The following CHODL variants were observed in gnomAD, a reference collection of about 807,000 sequenced individuals.
CHODL encodes the protein chondrolectin, also known as transmembrane protein MT75.
CHODL carries 29 observed loss-of-function variants against 34.5 expected under a neutral mutation model. That is an observed-to-expected ratio of 0.84 (90% confidence interval 0.63 to 1.15). CHODL has a LOEUF of 1.15. Ranked by LOEUF, CHODL falls within the 50% of genes most tolerant of loss-of-function variation. CHODL has a pLI of 0.00. For synonymous variants in CHODL, 125 were observed against 116.1 expected (o/e 1.08, Z -0.49); for missense variants, 332 against 332.5 (o/e 1.00, Z 0.01).
intron 2 of CHODL, among the ~76,000 whole-genome samples, chr21:18,037,011 A>G (rs2064319376): frequency 6.6e-6 from 1 of 151,986 alleles, no homozygotes; most frequent in African/African-American, 2.4e-5. Context: ...ACTGATATCT[A>G]GAAGGTTAGT....
chr21:18,146,510 C>G (rs895654310), intron 2 of CHODL, among the ~76,000 whole-genome samples: 1 of 152,018 alleles, frequency 6.6e-6, no homozygotes, highest in Non-Finnish European at 1.5e-5. Flanking sequence ...GCCTCTGACC[C>G]CTTTGCTCAG....
intron 2 of CHODL, among the ~76,000 whole-genome samples, chr21:18,090,332 A>T (rs1210806382): frequency 6.6e-6 from 1 of 152,206 alleles, no homozygotes; most frequent in Non-Finnish European, 1.5e-5. Context: ...TTCTGTGCCA[A>T]GGATGCCTAT....
At chr21:18,194,603 TA>T (rs35092206) in intron 2 of CHODL, among the ~76,000 whole-genome samples, 77,967 of 145,158 alleles carry the variant, frequency 0.54, 20,960 homozygotes, top group Non-Finnish European at 0.61. Flanking sequence ...GAGTTACTCT[TA>T]AAAAAAAAAA....
chr21:18,093,592 AAAT>A (rs1385432351), intron 2 of CHODL, among the ~76,000 whole-genome samples: 6 of 152,158 alleles, frequency 3.9e-5, no homozygotes, highest in African/African-American at 1.2e-4. Flanking sequence ...AAATGCAAGA[AAAT>A]AAAGTTAGAG....
intron 1 of CHODL, among the ~76,000 whole-genome samples, chr21:17,973,294 A>T (rs1195280930): frequency 6.6e-6 from 1 of 152,218 alleles, no homozygotes; most frequent in Non-Finnish European, 1.5e-5. Context: ...GACAAATGGG[A>T]TCTAATTAAA....
At chr21:17,952,234 C>A (rs2063464660) in intron 1 of CHODL, among the ~76,000 whole-genome samples, 1 of 140,396 alleles carries the variant, frequency 7.1e-6, no homozygotes, top group South Asian at 2.3e-4. Flanking sequence ...CCTACAAATC[C>A]AAGAACGATG....
At chr21:17,939,201 C>T (rs1221067816) in intron 1 of CHODL, among the ~76,000 whole-genome samples, 1 of 152,192 alleles carries the variant, frequency 6.6e-6, no homozygotes, top group African/African-American at 2.4e-5. Context: ...TCTTGCTTCA[C>T]TGAAGCTTTA....
intron 2 of CHODL, among the ~76,000 whole-genome samples, chr21:18,228,605 C>T (rs2073952287): frequency 6.6e-6 from 1 of 152,070 alleles, no homozygotes; most frequent in Non-Finnish European, 1.5e-5. Flanking sequence ...TGCTCTTGGG[C>T]CAGCCTGATC....
intron 2 of CHODL, among the ~76,000 whole-genome samples, chr21:18,200,868 T>C (rs1337093825): frequency 6.6e-6 from 1 of 151,808 alleles, no homozygotes; most frequent in Non-Finnish European, 1.5e-5. Flanking sequence ...GAGGGAGAGA[T>C]TGGAGTGATG....
chr21:18,052,115 A>G (rs1158583684), intron 2 of CHODL, among the ~76,000 whole-genome samples: 1 of 151,972 alleles, frequency 6.6e-6, no homozygotes, highest in Non-Finnish European at 1.5e-5. Context: ...GAATAAAGAA[A>G]GATTTACCAG....
chr21:18,100,726 C>T (rs1262560946), intron 2 of CHODL, among the ~76,000 whole-genome samples: 1 of 152,096 alleles, frequency 6.6e-6, no homozygotes, highest in African/African-American at 2.4e-5. Context: ...GTGGAAACAA[C>T]TGAAAAGAGT....
intron 1 of CHODL, among the ~76,000 whole-genome samples, chr21:17,932,024 G>C (rs555537167): frequency 3.9e-5 from 6 of 152,232 alleles, no homozygotes; most frequent in Admixed American, 3.9e-4. Flanking sequence ...ACAGCCTACA[G>C]AGTGGGAGAA....
At chr21:17,937,740 A>G (rs1206771604) in intron 1 of CHODL, among the ~76,000 whole-genome samples, 1 of 151,794 alleles carries the variant, frequency 6.6e-6, no homozygotes, top group African/African-American at 2.4e-5. Flanking sequence ...CATTTTTTTC[A>G]CTTTGATAGG....
At chr21:18,143,793 T>G (rs2072831967) in intron 2 of CHODL, among the ~76,000 whole-genome samples, 1 of 152,138 alleles carries the variant, frequency 6.6e-6, no homozygotes, top group Non-Finnish European at 1.5e-5. Flanking sequence ...CAGAGATTTT[T>G]CAGAATAATA....
chr21:17,973,795 C>T lies in CHODL; in HGVS notation c.-144-54077C>T, dbSNP rs1349642291. Among the ~76,000 whole-genome samples, 7 of 143,928 alleles carry T rather than the reference C, an allele frequency of 4.9e-5. No individual in the cohort carries two copies. In the South Asian group the frequency reaches 1.3e-3, roughly 27 times the overall value. 94.4% of individuals were successfully genotyped at this position (143,928 alleles called of 152,430 possible). A position where few individuals can be genotyped will look rare whatever the true frequency, so the allele number is the denominator to read the frequency against. The stretch of plus-strand genomic sequence containing the variant: ...CTAAGTTGCCTTGTTAGGTTACTAT[C>T]TTTCAGGAAAAAAAAAAAAAAAGGA... On this transcript the variant is annotated intron_variant, in intron 1 of 6. Transcript: ENST00000400127.
chr21:17,985,657 A>G (rs754032928), intron 1 of CHODL, among the ~76,000 whole-genome samples: 4 of 152,216 alleles, frequency 2.6e-5, no homozygotes, highest in Non-Finnish European at 4.4e-5. Context: ...GACCTAAAAT[A>G]TACTTTCCAC....
At chr21:18,170,245 C>G (rs1303547714) in intron 2 of CHODL, among the ~76,000 whole-genome samples, 1 of 151,912 alleles carries the variant, frequency 6.6e-6, no homozygotes, top group East Asian at 1.9e-4. Context: ...CACTGCTGTT[C>G]TCCTTTGGTT....
intron 1 of CHODL, among the ~76,000 whole-genome samples, chr21:17,969,475 T>C (rs903484678): frequency 6.6e-6 from 1 of 152,224 alleles, no homozygotes; most frequent in African/African-American, 2.4e-5. Flanking sequence ...TGTAAGCAGG[T>C]AACAGAACTA....
chr21:17,936,152 C>G (rs956284007), intron 1 of CHODL, among the ~76,000 whole-genome samples: 1 of 152,050 alleles, frequency 6.6e-6, no homozygotes, highest in Admixed American at 6.6e-5. Context: ...CATTTTCTAC[C>G]TTATAACACT....
Sources: gnomAD v4.1 joint callset for allele counts (sites outside exome capture counted in the v4.1 genomes callset) on GRCh38, gnomAD v4.1.1 for gene constraint, MANE v1.5 for transcripts, NCBI Gene and HGNC (gene_info 2026-07-23, HGNC 2026-07-21) for gene names.